The following PIP4P2 variants were observed in gnomAD, a reference collection of about 807,000 sequenced individuals.
The protein encoded by PIP4P2 is phosphatidylinositol-4,5-bisphosphate 4-phosphatase 2.
In PIP4P2, 19 loss-of-function variants were observed where a neutral mutation model predicts 33.3. That is an observed-to-expected ratio of 0.57 (90% CI 0.40 to 0.84). PIP4P2 has a LOEUF of 0.84. PIP4P2 is among the 40% of genes least tolerant of loss of function. PIP4P2 has a pLI of 0.00. For synonymous variants in PIP4P2, 110 were observed against 111.9 expected (o/e 0.98, Z 0.11); for missense variants, 270 against 324.7 (o/e 0.83, Z 1.29).
intron 4 of PIP4P2, among the ~76,000 whole-genome samples, chr8:91,017,912 T>C (rs1442895685): frequency 6.6e-6 from 1 of 152,238 alleles, no homozygotes; most frequent in Admixed American, 6.5e-5. Flanking sequence ...ATCTAATGGT[T>C]TTATCTAATT....
chr8:91,003,972 TAGATAGATA>T (rs1811733892), intron 5 of PIP4P2, among the ~76,000 whole-genome samples: 1 of 151,134 alleles, frequency 6.6e-6, no homozygotes, highest in Non-Finnish European at 1.5e-5. Flanking sequence ...GATAGATAGA[TAGATAGATA>T]GATAGATAGA....
At chr8:91,008,618 A>G (rs1811791598) in intron 5 of PIP4P2, 125 bp downstream of exon 5, 4 of 715,944 alleles carry the variant, frequency 5.6e-6, no homozygotes, top group Non-Finnish European at 9.0e-6. Context: ...AAAAGCATAA[A>G]TACATTGGCA....
chr8:91,024,847 C>T (rs537219433), intron 1 of PIP4P2, among the ~76,000 whole-genome samples: 6 of 152,000 alleles, frequency 3.9e-5, no homozygotes, highest in Non-Finnish European at 8.8e-5. Flanking sequence ...AAAAAAAACT[C>T]CCTCAAAGCT....
chr8:91,001,784 T>A (rs946697044), intron 5 of PIP4P2, among the ~76,000 whole-genome samples: 17 of 152,058 alleles, frequency 1.1e-4, no homozygotes, highest in African/African-American at 3.9e-4. Flanking sequence ...ACTAGTAACT[T>A]TTGTTGAAAA....
At chr8:91,017,339 C>A (rs904579987) in intron 4 of PIP4P2, among the ~76,000 whole-genome samples, 4 of 151,946 alleles carry the variant, frequency 2.6e-5, no homozygotes, top group Non-Finnish European at 5.9e-5. Flanking sequence ...GCAGGGGTTG[C>A]AGTGAGCTGA....
chr8:91,001,359 C>G (rs1374199359), intron 5 of PIP4P2, among the ~76,000 whole-genome samples: 1 of 152,004 alleles, frequency 6.6e-6, no homozygotes, highest in Non-Finnish European at 1.5e-5. Flanking sequence ...CTGTAAGGAT[C>G]CTTTTATAAC....
intron 1 of PIP4P2, among the ~76,000 whole-genome samples, chr8:91,027,743 A>G (rs1812101996): frequency 6.6e-6 from 1 of 152,216 alleles, no homozygotes; most frequent in African/African-American, 2.4e-5. Flanking sequence ...TCTTACATTT[A>G]GTGAGGCTGA....
chr8:90,995,941 G>A (rs2130345184), intron 6 of PIP4P2, 121 bp from the exon 7 acceptor site: 1 of 1,093,706 alleles, frequency 9.1e-7, no homozygotes, highest in East Asian at 2.7e-5. Flanking sequence ...AATACACAAA[G>A]TCCTTATAAG....
intron 1 of PIP4P2, among the ~76,000 whole-genome samples, chr8:91,022,315 CAGTG>C (rs1282932821): frequency 6.6e-6 from 1 of 152,100 alleles, no homozygotes; most frequent in African/African-American, 2.4e-5. Flanking sequence ...AAGGTTGACT[CAGTG>C]AGTGAGTGAA....
At chr8:91,003,831 G>A (rs1187537244) in intron 5 of PIP4P2, among the ~76,000 whole-genome samples, 1 of 152,086 alleles carries the variant, frequency 6.6e-6, no homozygotes, top group Non-Finnish European at 1.5e-5. Context: ...ACAAAGAAGA[G>A]TTGTGAGAAG....
At chr8:91,007,587 TAA>T (rs996684588) in intron 5 of PIP4P2, among the ~76,000 whole-genome samples, 2 of 152,188 alleles carry the variant, frequency 1.3e-5, no homozygotes, top group African/African-American at 4.8e-5. Flanking sequence ...TTCACATACA[TAA>T]GAGGATAACA....
At chr8:91,001,520 C>A (rs1811699778) in intron 5 of PIP4P2, among the ~76,000 whole-genome samples, 3 of 151,464 alleles carry the variant, frequency 2.0e-5, no homozygotes, top group Non-Finnish European at 4.4e-5. Context: ...TTTTTTTACT[C>A]AGCATAAATT....
chr8:91,013,635 G>A (rs971602325), intron 4 of PIP4P2, among the ~76,000 whole-genome samples: 4 of 152,042 alleles, frequency 2.6e-5, no homozygotes, highest in African/African-American at 9.7e-5. Context: ...CCTGGGCTCA[G>A]GTAATCCTCC....
At chr8:91,029,018 C>T (rs1812121013) in intron 1 of PIP4P2, among the ~76,000 whole-genome samples, 1 of 152,084 alleles carries the variant, frequency 6.6e-6, no homozygotes, top group Admixed American at 6.5e-5. Context: ...TATGGCTGGG[C>T]ACAGTGGCTC....
intron 1 of PIP4P2, among the ~76,000 whole-genome samples, chr8:91,036,574 T>C (rs545963677): frequency 6.6e-6 from 1 of 152,224 alleles, no homozygotes; most frequent in African/African-American, 2.4e-5. Flanking sequence ...ACCACCTGAG[T>C]CCAAGCTACT....
At chr8:91,017,682 A>C (rs997220310) in intron 4 of PIP4P2, among the ~76,000 whole-genome samples, 3 of 152,100 alleles carry the variant, frequency 2.0e-5, no homozygotes, top group Non-Finnish European at 4.4e-5. Flanking sequence ...CCATGTGTAT[A>C]CTCTGATAAA....
At chr8:91,022,526 A>G (rs1404811015) in intron 1 of PIP4P2, among the ~76,000 whole-genome samples, 1 of 152,166 alleles carries the variant, frequency 6.6e-6, no homozygotes, top group African/African-American at 2.4e-5. Context: ...ACATTTAGAA[A>G]GGGCCACACT....
chr8:91,027,348 G>A (rs1812097787), intron 1 of PIP4P2, among the ~76,000 whole-genome samples: 1 of 152,188 alleles, frequency 6.6e-6, no homozygotes, highest in Non-Finnish European at 1.5e-5. Context: ...TTTCCTTCTT[G>A]TACCTAAGCC....
rs564728770 is a variant in PIP4P2 at position 91,040,835 on chromosome 8, CGCTGCTGCCGCTGCAGCTGCT to C, written c.-107_-87del. The C allele has an allele frequency of 7.3e-4, 849 of 1,167,302 alleles. 2 individuals carry two copies. The East Asian group carries it at 0.011, about 15-fold the overall frequency. 72.3% of individuals were successfully genotyped at this position (1,167,302 alleles called of 1,614,324 possible). ...TGGCTACTGCTGCTGCCTCTGCTGC[CGCTGCTGCCGCTGCAGCTGCT>C]GCTGCTGCCGCCTCCGGGAGGGCCC... On this transcript the variant is annotated 5_prime_UTR_variant, in exon 1 of 7. Transcript: ENST00000285419.
Sources: gnomAD v4.1 joint callset for allele counts (sites outside exome capture counted in the v4.1 genomes callset) on GRCh38, gnomAD v4.1.1 for gene constraint, MANE v1.5 for transcripts, NCBI Gene and HGNC (gene_info 2026-07-23, HGNC 2026-07-21) for gene names.